SIPA1L3: variants seen among roughly 807,000 people sequenced by gnomAD.
SIPA1L3 encodes the protein signal induced proliferation associated 1 like 3, also known as signal-induced proliferation-associated 1-like protein 3.
A neutral mutation model predicts 150.1 loss-of-function variants in SIPA1L3; 59 were observed. The ratio of observed to expected loss-of-function variants is 0.39; its 90% CI spans 0.32 to 0.49. The LOEUF (loss-of-function observed/expected upper bound fraction) is 0.49, where lower values mean the gene tolerates loss of function less well. Ranked by LOEUF, SIPA1L3 falls within the 20% of genes least tolerant of loss-of-function variation. The pLI, the probability that SIPA1L3 is intolerant of heterozygous loss-of-function variation, is 0.86. For synonymous variants in SIPA1L3, 1,070 were observed against 1,077.6 expected (o/e 0.99, Z 0.14); for missense variants, 2,211 against 2,489.5 (o/e 0.89, Z 2.38).
chr19:38,049,099 T>G (rs1166386189), intron 2 of SIPA1L3, among the ~76,000 whole-genome samples: 64 of 144,578 alleles, frequency 4.4e-4, no homozygotes, highest in African/African-American at 7.4e-4. Context: ...AAGCGGGGGG[T>G]GGACAGGGGG....
chr19:37,996,867 T>A (rs572655073), intron 1 of SIPA1L3, among the ~76,000 whole-genome samples: 1 of 152,018 alleles, frequency 6.6e-6, no homozygotes, highest in Non-Finnish European at 1.5e-5. Context: ...CAGCTAATTT[T>A]TGTATTTTTA....
At position 38,119,342 on chromosome 19, in the gene SIPA1L3, C is replaced by T. The variant is rs61729141; in HGVS notation, c.2328C>T (p.Phe776=). 60 of 1,614,104 alleles carry T rather than the reference C, an allele frequency of 3.7e-5. No homozygotes were observed. In the African/African-American group the frequency reaches 5.6e-4, roughly 15 times the overall value. ...AVTRSKDAPP[F]GPPIPSGTTF... ...CCCGATCCAAAGACGCTCCTCCTTT[C>T]GGCCCCCCCATCCCCAGTGGAACCA... is the stretch of plus-strand genomic sequence containing the variant. The change falls in exon 9 of 22, where the codon TTC becomes TTT. Residue 776 remains phenylalanine, a synonymous_variant. Coordinates refer to ENST00000222345, the MANE Select transcript of SIPA1L3 (RefSeq NM_015073.3).
intron 6 of SIPA1L3, among the ~76,000 whole-genome samples, chr19:38,104,873 G>C (rs1310261160): frequency 2.6e-5 from 4 of 151,830 alleles, no homozygotes; most frequent in African/African-American, 9.7e-5. Context: ...GCCTGGCCAG[G>C]AAGTGGGTTC....
intron 9 of SIPA1L3, among the ~76,000 whole-genome samples, chr19:38,126,497 CTATCA>C (rs374218987): frequency 1.1e-3 from 164 of 151,920 alleles, no homozygotes; most frequent in African/African-American, 3.7e-3. Flanking sequence ...AGCTTATCAG[CTATCA>C]TTAATGTTAG....
chr19:38,089,911 C>T (rs915526383), intron 4 of SIPA1L3, among the ~76,000 whole-genome samples: 3 of 152,198 alleles, frequency 2.0e-5, no homozygotes, highest in South Asian at 4.1e-4. Flanking sequence ...TTCTTTAACT[C>T]TCTGCTTGGC....
intron 18 of SIPA1L3, among the ~76,000 whole-genome samples, chr19:38,196,759 C>CAGGAGGCCGAGGGGGGAGCA (rs879705074): frequency 6.8e-6 from 1 of 147,608 alleles, no homozygotes; most frequent in Non-Finnish European, 1.5e-5. Flanking sequence ...AGGGGGGAGC[C>CAGGAGGCCGAGGGGGGAGCA]AGGAGGCCGA....
At chr19:38,085,094 T>A (rs1366112795) in intron 3 of SIPA1L3, among the ~76,000 whole-genome samples, 3 of 152,096 alleles carry the variant, frequency 2.0e-5, no homozygotes, top group Non-Finnish European at 4.4e-5. Context: ...ACGTGATACG[T>A]TTTACCCTTC....
intron 1 of SIPA1L3, chr19:37,907,617 G>C (rs1339762877): frequency 6.6e-6 from 1 of 152,230 alleles, no homozygotes; most frequent in East Asian, 1.9e-4. Flanking sequence ...TGTGCCACTC[G>C]GGAGCCGCGA....
intron 2 of SIPA1L3, among the ~76,000 whole-genome samples, chr19:38,039,693 C>CA (rs60084757): frequency 0.018 from 1,313 of 73,244 alleles, 29 homozygotes; most frequent in African/African-American, 0.053. Flanking sequence ...GACTCTGTCT[C>CA]AAAAAAAAAA....
At chr19:37,918,268 T>A (rs1320809986) in intron 1 of SIPA1L3, among the ~76,000 whole-genome samples, 1 of 151,686 alleles carries the variant, frequency 6.6e-6, no homozygotes, top group African/African-American at 2.4e-5. Context: ...TTTGATTGTT[T>A]GTTTGTTTTT....
intron 1 of SIPA1L3, among the ~76,000 whole-genome samples, chr19:38,011,366 C>A (rs1026482743): frequency 6.6e-6 from 1 of 152,126 alleles, no homozygotes; most frequent in Non-Finnish European, 1.5e-5. Flanking sequence ...GTCCCAGCTA[C>A]TTGGGAGGCT....
intron 2 of SIPA1L3, among the ~76,000 whole-genome samples, chr19:38,032,468 T>C (rs1968674009): frequency 6.6e-6 from 1 of 152,190 alleles, no homozygotes; most frequent in East Asian, 1.9e-4. Context: ...GCACTAGGGA[T>C]TCAGGAATGA....
At chr19:38,196,644 A>C (rs1004433698) in intron 18 of SIPA1L3, among the ~76,000 whole-genome samples, 1 of 150,042 alleles carries the variant, frequency 6.7e-6, no homozygotes, top group African/African-American at 2.5e-5. Flanking sequence ...TGGAGCATGG[A>C]GGTCAAGGGA....
chr19:38,051,235 G>A (rs1345722324), intron 2 of SIPA1L3, among the ~76,000 whole-genome samples: 2 of 152,140 alleles, frequency 1.3e-5, no homozygotes, highest in Non-Finnish European at 2.9e-5. Flanking sequence ...TGTCTCTGAT[G>A]ACTATCTCTA....
intron 1 of SIPA1L3, among the ~76,000 whole-genome samples, chr19:37,977,388 C>T (rs560486765): frequency 4.6e-5 from 7 of 152,198 alleles, no homozygotes; most frequent in Non-Finnish European, 1.0e-4. Flanking sequence ...TGGTCTTGAA[C>T]TCCTGACCTC....
chr19:38,125,833 C>G (rs541638946), intron 9 of SIPA1L3, among the ~76,000 whole-genome samples: 2 of 152,214 alleles, frequency 1.3e-5, no homozygotes, highest in African/African-American at 4.8e-5. Context: ...ATGACCATAA[C>G]AGACCCAGGC....
At chr19:37,921,381 G>C (rs1294303191) in intron 1 of SIPA1L3, among the ~76,000 whole-genome samples, 1 of 152,158 alleles carries the variant, frequency 6.6e-6, no homozygotes, top group Non-Finnish European at 1.5e-5. Flanking sequence ...CTGCCTGGTG[G>C]GTAGAGATGG....
Position 38,028,494 on chromosome 19 carries a change from G to A in SIPA1L3, c.-378-595G>A, listed in dbSNP as rs1056455334. 2.6e-5 allele frequency among the ~76,000 whole-genome samples: 4 copies of A among 152,006 alleles called. No individual in the cohort carries two copies. The South Asian group carries it at 6.2e-4, about 24-fold the overall frequency. On this transcript the variant is annotated intron_variant, in intron 1 of 21. Coordinates refer to ENST00000222345, the MANE Select transcript of SIPA1L3 (RefSeq NM_015073.3). ...CCGGGAGGCCTTCCCCGAGCTCTCC[G>A]TTTAAGGTCACAGTCCCATCACTAT...
chr19:38,137,281 C>T (rs1005278920), intron 10 of SIPA1L3, among the ~76,000 whole-genome samples: 1 of 152,042 alleles, frequency 6.6e-6, no homozygotes, highest in Non-Finnish European at 1.5e-5. Flanking sequence ...CTCCGCTTCC[C>T]AGGTTCAAGC....
Sources: gnomAD v4.1 joint callset for allele counts (sites outside exome capture counted in the v4.1 genomes callset) on GRCh38, gnomAD v4.1.1 for gene constraint, MANE v1.5 for transcripts, NCBI Gene and HGNC (gene_info 2026-07-23, HGNC 2026-07-21) for gene names.